Variants in LEPR observed in about 807,000 individuals in gnomAD.
LEPR encodes the protein OB receptor.
Under a neutral mutation model 114.7 loss-of-function variants are expected in LEPR, and 56 were observed. The ratio of observed to expected loss-of-function variants is 0.49; its 90% CI spans 0.39 to 0.61. The LOEUF (loss-of-function observed/expected upper bound fraction) is 0.61, where lower values mean the gene tolerates loss of function less well. Among genes scored for constraint, LEPR ranks in the 20% least tolerant of loss-of-function variants. The probability of loss-of-function intolerance (pLI) is 0.00; values close to 1 mark genes in which losing one functional copy is unlikely to be tolerated. For missense variants in LEPR, 1,202 were observed against 1,352.9 expected, an observed-to-expected ratio of 0.89 and a Z score of 1.75; for synonymous variants, 443 against 461.4, an observed-to-expected ratio of 0.96 and a Z score of 0.51.
intron 2 of LEPR, among the ~76,000 whole-genome samples, chr1:65,549,985 G>T (rs1652164607): frequency 6.6e-6 from 1 of 152,130 alleles, no homozygotes; most frequent in African/African-American, 2.4e-5. Context: ...GTACAGATTG[G>T]TTTTTGGTGT....
rs1467759371 is a variant in LEPR, at chr1:65,601,667, G to C, written c.1270G>C (p.Glu424Gln). The change falls in exon 9 of 20, where the codon GAA becomes CAA. Residue 424 changes from glutamate (E) to glutamine (Q), a missense_variant. Coordinates refer to ENST00000349533, the MANE Select transcript of LEPR (RefSeq NM_002303.6). ...ACATGAATGCCATCATCGCTATGCT[G>C]AATTATATGTGATTGGTAAGAAAAC... Reference protein sequence around the residue: ...NEHECHHRYAELYVIDVNINI... With the variant: ...NEHECHHRYAQLYVIDVNINI... The C allele has an allele frequency of 6.2e-7, 1 of 1,613,580 alleles. No individual in the cohort carries two copies. The highest frequency in any genetic ancestry group is 1.7e-5 in the Admixed American group (1 of 60,002).
chr1:65,608,221 T>G (rs913442952), intron 11 of LEPR, among the ~76,000 whole-genome samples: 3 of 151,760 alleles, frequency 2.0e-5, no homozygotes, highest in African/African-American at 7.3e-5. Flanking sequence ...TAGCATGTGT[T>G]CAGCATGGTA....
At chr1:65,518,446 T>C (rs1649396650) in intron 2 of LEPR, among the ~76,000 whole-genome samples, 1 of 152,182 alleles carries the variant, frequency 6.6e-6, no homozygotes, top group African/African-American at 2.4e-5. Flanking sequence ...ATTTTTATCT[T>C]TCTGAGGTAA....
At chr1:65,466,524 G>GAGT in intron 2 of LEPR, among the ~76,000 whole-genome samples, 1 of 152,198 alleles carries the variant, frequency 6.6e-6, no homozygotes, top group African/African-American at 2.4e-5. Flanking sequence ...TCTTGTTGAG[G>GAGT]AGTATCTTTA....
intron 2 of LEPR, among the ~76,000 whole-genome samples, chr1:65,452,579 A>T (rs568998032): frequency 6.6e-6 from 1 of 152,196 alleles, no homozygotes; most frequent in Admixed American, 6.5e-5. Flanking sequence ...GCTGGATTAC[A>T]TTTATTGATT....
At chr1:65,535,046 A>G (rs893936530) in intron 2 of LEPR, among the ~76,000 whole-genome samples, 2 of 152,190 alleles carry the variant, frequency 1.3e-5, no homozygotes, top group African/African-American at 4.8e-5. Flanking sequence ...GTGCACACCA[A>G]CAGAATTTCT....
chr1:65,488,248 CTTTCTTTCT>C, intron 2 of LEPR, among the ~76,000 whole-genome samples: 1 of 119,302 alleles, frequency 8.4e-6, no homozygotes, highest in Non-Finnish European at 1.7e-5. Context: ...TTCTTTCTTT[CTTTCTTTCT>C]TTTCTTTCTC....
intron 19 of LEPR, among the ~76,000 whole-genome samples, chr1:65,629,048 A>G (rs900792266): frequency 2.0e-5 from 3 of 152,100 alleles, no homozygotes; most frequent in African/African-American, 7.2e-5. Flanking sequence ...GACGGTATCT[A>G]TTGATTTCTG....
chr1:65,598,854 A>G, intron 8 of LEPR, 50 bp downstream of exon 8: 1 of 1,611,318 alleles, frequency 6.2e-7, no homozygotes, highest in African/African-American at 1.3e-5. Context: ...TATTTCCTGA[A>G]CTTGCCTTTG....
intron 2 of LEPR, among the ~76,000 whole-genome samples, chr1:65,532,187 C>A (rs1650450572): frequency 6.6e-6 from 1 of 152,124 alleles, no homozygotes; most frequent in African/African-American, 2.4e-5. Context: ...GGGCTTAATG[C>A]AGTTCTTCAC....
chr1:65,537,022 A>T (rs899221515), intron 2 of LEPR, among the ~76,000 whole-genome samples: 1 of 152,198 alleles, frequency 6.6e-6, no homozygotes, highest in Non-Finnish European at 1.5e-5. Context: ...TGCAATCAAT[A>T]ACAACCAGAT....
chr1:65,572,263 A>C, intron 4 of LEPR, 63 bp from the exon 5 acceptor site: 1 of 1,450,484 alleles, frequency 6.9e-7, no homozygotes. Context: ...TGAGTTGTTC[A>C]GATGGTTTTT....
chr1:65,589,384 T>C (rs933317353), intron 5 of LEPR, among the ~76,000 whole-genome samples: 1 of 152,042 alleles, frequency 6.6e-6, no homozygotes, highest in African/African-American at 2.4e-5. Flanking sequence ...TTGTTATCTT[T>C]CATAGTGCTT....
chr1:65,502,218 T>C (rs1402889686), intron 2 of LEPR, among the ~76,000 whole-genome samples: 4 of 152,100 alleles, frequency 2.6e-5, no homozygotes. Context: ...ATGTAATATG[T>C]CTTATGAAGT....
chr1:65,525,746 G>T, intron 2 of LEPR: 2 of 986,054 alleles, frequency 2.0e-6, no homozygotes, highest in South Asian at 4.7e-5. Context: ...AGCCGAGCGC[G>T]CGCGACGCAG....
chr1:65,548,918 A>T (rs1025554017), intron 2 of LEPR, among the ~76,000 whole-genome samples: 2 of 152,250 alleles, frequency 1.3e-5, no homozygotes, highest in African/African-American at 2.4e-5. Flanking sequence ...GGTCTTTACA[A>T]TTTGGCATGA....
intron 2 of LEPR, among the ~76,000 whole-genome samples, chr1:65,464,960 A>C (rs1194280452): frequency 1.3e-5 from 2 of 151,896 alleles, no homozygotes; most frequent in Admixed American, 6.6e-5. Context: ...TTTGTTGATC[A>C]TTTCAAAAAT....
Position 65,617,983 on chromosome 1 carries a change from C to T in LEPR, c.2232C>T (p.Leu744=). ...CCTCAGTAAATATCGTGCAGTCACT[C>T]AGTGCTTATCCTTTAAACAGCAGTT... ...PMSKVNIVQS[L]SAYPLNSSCV... The change falls in exon 16 of 20, where the codon CTC becomes CTT. Residue 744 remains leucine, a synonymous_variant. Transcript: ENST00000349533. The T allele has an allele frequency of 2.5e-6, 4 of 1,610,860 alleles. No individual in the cohort carries two copies. Among genetic ancestry groups the T allele is most frequent in the Non-Finnish European group, 2.5e-6 (3 of 1,178,702 alleles).
chr1:65,454,738 G>A (rs1646842928), intron 2 of LEPR, among the ~76,000 whole-genome samples: 2 of 151,936 alleles, frequency 1.3e-5, no homozygotes, highest in African/African-American at 2.4e-5. Flanking sequence ...TTTCAACTTT[G>A]GTGAATCTGA....
Sources: allele counts gnomAD v4.1 joint callset (sites outside exome capture counted in the v4.1 genomes callset), GRCh38; gene constraint gnomAD v4.1.1; transcripts MANE v1.5; gene names NCBI Gene and HGNC (gene_info 2026-07-23, HGNC 2026-07-21).